Variants in FCHSD2 observed in about 807,000 individuals in gnomAD.
The protein encoded by FCHSD2 is F-BAR and double SH3 domains protein 2.
Under a neutral mutation model 108.1 loss-of-function variants are expected in FCHSD2, and 38 were observed. The observed-to-expected ratio is 0.35, with a 90% CI of 0.27 to 0.46. The LOEUF (loss-of-function observed/expected upper bound fraction) is 0.46. Ranked by LOEUF, FCHSD2 falls within the 20% of genes least tolerant of loss-of-function variation. The pLI, the probability that FCHSD2 is intolerant of heterozygous loss-of-function variation, is 1.00. For missense variants in FCHSD2, 751 were observed against 897.8 expected (o/e 0.84, Z 2.09); for synonymous variants, 279 against 314.7 (o/e 0.89, Z 1.20).
At chr11:72,863,754 A>G (rs565740221) in intron 13 of FCHSD2, among the ~76,000 whole-genome samples, 48 of 152,340 alleles carry the variant, frequency 3.2e-4, no homozygotes, top group African/African-American at 1.2e-3. Context: ...ACATTATCAG[A>G]GAAATGGAAA....
intron 2 of FCHSD2, among the ~76,000 whole-genome samples, chr11:73,084,653 C>G (rs550827205): frequency 1.5e-4 from 23 of 152,346 alleles, no homozygotes; most frequent in Non-Finnish European, 2.6e-4. Flanking sequence ...CTTGGCCTCC[C>G]AAAGCATTGG....
At chr11:72,888,759 G>A (rs1242219112) in intron 11 of FCHSD2, among the ~76,000 whole-genome samples, 1 of 151,768 alleles carries the variant, frequency 6.6e-6, no homozygotes, top group Non-Finnish European at 1.5e-5. Flanking sequence ...TAGGTGGGAA[G>A]ATAGGTGTGC....
intron 3 of FCHSD2, among the ~76,000 whole-genome samples, chr11:73,042,913 A>C (rs901036607): frequency 6.6e-6 from 1 of 152,178 alleles, no homozygotes; most frequent in African/African-American, 2.4e-5. Flanking sequence ...TGTATCCTGC[A>C]ATTCTACTGA....
intron 8 of FCHSD2, among the ~76,000 whole-genome samples, chr11:72,927,459 A>C (rs1157164938): frequency 6.6e-6 from 1 of 152,156 alleles, no homozygotes; most frequent in Non-Finnish European, 1.5e-5. Context: ...GGGGATGTTG[A>C]TAGTGGGAGG....
chr11:72,861,643 G>T (rs11235608), intron 13 of FCHSD2, among the ~76,000 whole-genome samples: 50 of 152,306 alleles, frequency 3.3e-4, no homozygotes, highest in Admixed American at 2.9e-3. Flanking sequence ...TATATAGAAA[G>T]GATAGGCCGG....
chr11:73,029,634 T>C (rs1858312512), intron 3 of FCHSD2, among the ~76,000 whole-genome samples: 1 of 152,128 alleles, frequency 6.6e-6, no homozygotes, highest in Admixed American at 6.5e-5. Flanking sequence ...TAGGAAGTCA[T>C]TGCAGCACCC....
chr11:72,894,000 A>G lies in FCHSD2; in HGVS notation c.925-4055T>C, dbSNP rs897885119. Among the ~76,000 whole-genome samples the G allele has an allele frequency of 8.5e-5, 13 of 152,232 alleles. 1 individual carries two copies. Among genetic ancestry groups the G allele is most frequent in the Admixed American group, 7.2e-4 (11 of 15,274 alleles). On this transcript the variant is annotated intron_variant, in intron 10 of 19. Transcript: ENST00000409418. The stretch of plus-strand genomic sequence containing the variant: ...AGATATCTGAGCAGAGTGAGCAGCG[A>G]TAGAAAAGCTGACTTCGCAGAAGAA...
chr11:72,990,446 T>A (rs753301477), intron 5 of FCHSD2, among the ~76,000 whole-genome samples: 2 of 152,280 alleles, frequency 1.3e-5, no homozygotes, highest in South Asian at 4.1e-4. Flanking sequence ...ACTGACCACA[T>A]AGTTGGAAGT....
chr11:73,031,302 CT>C (rs1858355027), intron 3 of FCHSD2, among the ~76,000 whole-genome samples: 1 of 152,072 alleles, frequency 6.6e-6, no homozygotes, highest in Non-Finnish European at 1.5e-5. Context: ...TAACGAAACC[CT>C]GTCTCTATCA....
intron 3 of FCHSD2, among the ~76,000 whole-genome samples, chr11:73,045,314 T>C (rs1312119605): frequency 1.3e-5 from 2 of 150,266 alleles, no homozygotes; most frequent in African/African-American, 2.4e-5. Flanking sequence ...TTTTACACTG[T>C]TGGTGGGACT....
At chr11:72,854,227 G>A (rs1241305249) in intron 13 of FCHSD2, among the ~76,000 whole-genome samples, 1 of 152,142 alleles carries the variant, frequency 6.6e-6, no homozygotes, top group East Asian at 1.9e-4. Flanking sequence ...GCCATTTTGG[G>A]TATATACCCA....
chr11:72,925,752 G>C (rs1332735620), intron 8 of FCHSD2, among the ~76,000 whole-genome samples: 1 of 152,248 alleles, frequency 6.6e-6, no homozygotes, highest in Non-Finnish European at 1.5e-5. Context: ...ATGCCGGCTA[G>C]AGCAGGGAAG....
At chr11:72,998,861 A>G (rs1205751300) in intron 5 of FCHSD2, among the ~76,000 whole-genome samples, 1 of 152,180 alleles carries the variant, frequency 6.6e-6, no homozygotes, top group Non-Finnish European at 1.5e-5. Context: ...GCCCTTGTGC[A>G]CTGTTGGTGG....
chr11:72,868,069 T>C (rs1222369299), intron 12 of FCHSD2, 43 bp from the exon 13 acceptor site: 4 of 1,530,340 alleles, frequency 2.6e-6, no homozygotes, highest in Non-Finnish European at 3.5e-6. Flanking sequence ...GCTTTTATTA[T>C]TCACAATAGC....
chr11:72,842,545 T>G, intron 17 of FCHSD2, 76 bp downstream of exon 17: 1 of 1,575,286 alleles, frequency 6.3e-7, no homozygotes, highest in South Asian at 1.2e-5. Context: ...AGCCCACTTT[T>G]GTGTGGATCC....
chr11:72,997,327 A>G (rs894643972), intron 5 of FCHSD2, among the ~76,000 whole-genome samples: 1 of 152,186 alleles, frequency 6.6e-6, no homozygotes, highest in Non-Finnish European at 1.5e-5. Flanking sequence ...AGCCCTAAAA[A>G]GCCTAAAACC....
At chr11:73,040,018 A>G (rs929888150) in intron 3 of FCHSD2, among the ~76,000 whole-genome samples, 57 of 152,260 alleles carry the variant, frequency 3.7e-4, no homozygotes, top group African/African-American at 1.3e-3. Flanking sequence ...TCTCCCAGCA[A>G]AATGGAGGAC....
chr11:72,877,161 AT>A (rs1854988403), intron 12 of FCHSD2, among the ~76,000 whole-genome samples: 1 of 151,372 alleles, frequency 6.6e-6, no homozygotes, highest in South Asian at 2.1e-4. Context: ...TAATTTTTGT[AT>A]TTTTTGTAGA....
intron 3 of FCHSD2, among the ~76,000 whole-genome samples, chr11:73,072,933 C>T (rs1446096292): frequency 6.6e-6 from 1 of 152,078 alleles, no homozygotes; most frequent in Admixed American, 6.5e-5. Flanking sequence ...AGTATAAATA[C>T]CACAGGGTAT....
Sources: gnomAD v4.1 joint callset for allele counts (sites outside exome capture counted in the v4.1 genomes callset) on GRCh38, gnomAD v4.1.1 for gene constraint, MANE v1.5 for transcripts, NCBI Gene and HGNC (gene_info 2026-07-23, HGNC 2026-07-21) for gene names.